EGFL6: variants seen among roughly 807,000 people sequenced by gnomAD.
The protein encoded by EGFL6 is epidermal growth factor-like protein 6.
Under a neutral mutation model 43.1 loss-of-function variants are expected in EGFL6, and 42 were observed. The observed-to-expected ratio is 0.98, with a 90% CI of 0.76 to 1.26. EGFL6 has a LOEUF of 1.26. Among genes scored for constraint, EGFL6 ranks in the 50% most tolerant of loss-of-function variants. The pLI is 0.00. For missense variants in EGFL6, 429 were observed against 427.8 expected, an observed-to-expected ratio of 1.00 and a Z score of -0.02; for synonymous variants, 164 against 163.2, an observed-to-expected ratio of 1.01 and a Z score of -0.04.
At chrX:13,624,499 A>G (rs2045767703) in intron 10 of EGFL6, among the ~76,000 whole-genome samples, 1 of 110,783 alleles carries the variant, frequency 9.0e-6, no homozygotes, top group Non-Finnish European at 1.9e-5. Flanking sequence ...ATTTTTCTCA[A>G]TCTTATCTGT....
At chrX:13,618,356 T>C (rs1293941830) in intron 8 of EGFL6, among the ~76,000 whole-genome samples, 1 of 112,666 alleles carries the variant, frequency 8.9e-6, no homozygotes, top group East Asian at 2.8e-4. Flanking sequence ...GCAAGGGCAG[T>C]GGTTTGGCTG....
intron 1 of EGFL6, among the ~76,000 whole-genome samples, chrX:13,588,899 C>T (rs757843775): frequency 8.9e-6 from 1 of 112,049 alleles, no homozygotes; most frequent in Non-Finnish European, 1.9e-5. Flanking sequence ...AAAATACTTA[C>T]CATCTGGCTT....
At chrX:13,608,194 C>T in intron 6 of EGFL6, 130 bp from the exon 7 acceptor site, 3 of 852,893 alleles carry the variant, frequency 3.5e-6, no homozygotes, top group Non-Finnish European at 4.9e-6. Context: ...CTGAACACCT[C>T]TCAGTTCTCA....
At chrX:13,588,010 A>G (rs12115988) in intron 1 of EGFL6, among the ~76,000 whole-genome samples, 1,674 of 112,289 alleles carry the variant, frequency 0.015, 29 homozygotes, top group African/African-American at 0.049. Context: ...ATTGTTAAAT[A>G]TCCTACAATG....
chrX:13,570,081 T>G, intron 1 of EGFL6, 146 bp downstream of exon 1: 1 of 587,010 alleles, frequency 1.7e-6, no homozygotes, highest in Non-Finnish European at 2.8e-6. Context: ...TTAACCTGGA[T>G]ACCAGGCCGG....
intron 9 of EGFL6, among the ~76,000 whole-genome samples, chrX:13,619,751 G>T (rs753825873): frequency 6.0e-4 from 67 of 111,719 alleles, no homozygotes; most frequent in African/African-American, 2.1e-3. Context: ...GGCTGGGTGG[G>T]CTCACTCATG....
chrX:13,625,449 C>T lies in EGFL6; in HGVS notation c.1285+1524C>T, dbSNP rs747115827. Among the ~76,000 whole-genome samples the T allele has an allele frequency of 1.0e-4, 11 of 110,536 alleles. No individual in the cohort carries two copies. The South Asian group carries it at 1.9e-3, about 19-fold the overall frequency. On this transcript the variant is annotated intron_variant, in intron 10 of 11. Transcript: ENST00000361306. ...GCACTTTGGGAGCACTTTGGGAAGC[C>T]GAGGCAGGTGGATTACCTGAGGTCA...
rs1171665912 is a variant in EGFL6, at chrX:13,569,760, C to T, written c.-102C>T. On this transcript the variant is annotated 5_prime_UTR_variant, in exon 1 of 12. Coordinates refer to ENST00000361306, the MANE Select transcript of EGFL6 (RefSeq NM_015507.4). Reference sequence around the variant, plus strand: ...GTAACTGCGAGTGGAGCGGAGGACCCGAGCGGCTGAGGAGAGAGGAGGCGG... The same window carrying T: ...GTAACTGCGAGTGGAGCGGAGGACCTGAGCGGCTGAGGAGAGAGGAGGCGG... 3.6e-6 allele frequency: 3 copies of T among 827,318 alleles called. No homozygotes were observed. The highest frequency in any genetic ancestry group is 4.5e-5 in the South Asian group (2 of 44,890). The allele number at this position is 827,318 out of a possible 1,213,427, so 68.2% of individuals were successfully genotyped here. A position where few individuals can be genotyped will look rare whatever the true frequency, so the allele number is the denominator to read the frequency against.
chrX:13,594,360 T>A (rs746900741), intron 2 of EGFL6, among the ~76,000 whole-genome samples: 2 of 112,006 alleles, frequency 1.8e-5, no homozygotes, highest in Non-Finnish European at 3.8e-5. Flanking sequence ...ATCATCCTCA[T>A]CATCATCATG....
rs77669729 is a variant in EGFL6 at position 13,575,111 on chromosome X, A to AAAACAAAC, written c.74+5206_74+5213dup. The AAAACAAAC allele has an allele frequency of 2.9e-4, 32 of 110,369 alleles. 3 individuals are homozygous for AAAACAAAC. The highest frequency in any genetic ancestry group is 1.9e-3 in the South Asian group (5 of 2,626). 9.1% of individuals were successfully genotyped at this position (110,369 alleles called of 1,213,427 possible). ...TACTAAAACTTGCCAAAGCTTATTT[A>AAAACAAAC]AAACAAACAAACAAACAAACAAACA... On this transcript the variant is annotated intron_variant, in intron 1 of 11. Transcript: ENST00000361306.
At chrX:13,579,459 G>A in intron 1 of EGFL6, among the ~76,000 whole-genome samples, 1 of 111,582 alleles carries the variant, frequency 9.0e-6, no homozygotes, top group Non-Finnish European at 1.9e-5. Flanking sequence ...GTATTCCATG[G>A]TGTATATGTA....
chrX:13,625,885 C>CAAAAAAAAAAAAAAAAA (rs755901799), intron 10 of EGFL6, among the ~76,000 whole-genome samples: 5 of 30,875 alleles, frequency 1.6e-4, no homozygotes, highest in East Asian at 2.0e-3. Flanking sequence ...GACCCTGCCT[C>CAAAAAAAAAAAAAAAAA]AAAAAAAAAA....
intron 7 of EGFL6, among the ~76,000 whole-genome samples, chrX:13,615,984 T>G (rs1008527856): frequency 8.9e-6 from 1 of 112,123 alleles, no homozygotes; most frequent in East Asian, 2.8e-4. Flanking sequence ...CTCCATTGTT[T>G]CACTTCTCTC....
intron 7 of EGFL6, among the ~76,000 whole-genome samples, chrX:13,616,334 G>C (rs947746756): frequency 7.1e-5 from 8 of 112,011 alleles, no homozygotes; most frequent in Non-Finnish European, 1.1e-4. Flanking sequence ...TCATGGCCAG[G>C]CATGGTGGCT....
At chrX:13,624,191 A>C (rs1945692425) in intron 10 of EGFL6, among the ~76,000 whole-genome samples, 1 of 111,738 alleles carries the variant, frequency 8.9e-6, no homozygotes, top group Non-Finnish European at 1.9e-5. Flanking sequence ...CTGCTGAGGG[A>C]GAGATGTTGA....
intron 1 of EGFL6, among the ~76,000 whole-genome samples, chrX:13,580,721 G>A (rs1235651870): frequency 1.8e-5 from 2 of 111,905 alleles, no homozygotes; most frequent in African/African-American, 6.5e-5. Context: ...ATGCTCCAAA[G>A]TGTTCCTCTT....
intron 7 of EGFL6, among the ~76,000 whole-genome samples, chrX:13,612,647 C>T (rs1323875430): frequency 9.0e-6 from 1 of 111,025 alleles, no homozygotes; most frequent in East Asian, 2.8e-4. Context: ...CCCCACCTCC[C>T]AGACGGGGCG....
intron 9 of EGFL6, 99 bp from the exon 10 acceptor site, chrX:13,623,725 G>T (rs1373952458): frequency 1.7e-6 from 1 of 604,257 alleles, no homozygotes; most frequent in South Asian, 2.7e-5. Context: ...TCTGTACTCT[G>T]TGCGACTGAA....
chrX:13,598,362 T>C (rs1042160445), intron 3 of EGFL6, among the ~76,000 whole-genome samples: 4 of 111,640 alleles, frequency 3.6e-5, no homozygotes, highest in African/African-American at 1.3e-4. Flanking sequence ...CAAGAATCTG[T>C]TACCATGCTG....
Sources: gnomAD v4.1 joint callset for allele counts (sites outside exome capture counted in the v4.1 genomes callset) on GRCh38, gnomAD v4.1.1 for gene constraint, MANE v1.5 for transcripts, NCBI Gene and HGNC (gene_info 2026-07-23, HGNC 2026-07-21) for gene names.